Variants in PLOD2 observed in about 807,000 individuals in gnomAD.
PLOD2 encodes lysine hydroxylase 2.
A neutral mutation model predicts 101.0 loss-of-function variants in PLOD2; 65 were observed. The observed-to-expected ratio is 0.64, with a 90% CI of 0.53 to 0.79. PLOD2 has a LOEUF of 0.79. Among genes scored for constraint, PLOD2 ranks in the 30% least tolerant of loss-of-function variants. PLOD2 has a pLI of 0.00. For missense variants in PLOD2, 909 were observed against 914.6 expected, an observed-to-expected ratio of 0.99 and a Z score of 0.08; for synonymous variants, 314 against 302.9, an observed-to-expected ratio of 1.04 and a Z score of -0.38.
chr3:146,075,577 C>T (rs2107999308), intron 15 of PLOD2, among the ~76,000 whole-genome samples: 1 of 150,656 alleles, frequency 6.6e-6, no homozygotes, highest in African/African-American at 2.4e-5. Context: ...AATCAATCAG[C>T]TTTCTCTGCA....
At chr3:146,097,803 A>ATAAT (rs1553733435) in intron 7 of PLOD2, among the ~76,000 whole-genome samples, 1 of 142,088 alleles carries the variant, frequency 7.0e-6, no homozygotes, top group Non-Finnish European at 1.5e-5. Flanking sequence ...AATAAAAAAA[A>ATAAT]AATAATAATA....
chr3:146,156,025 C>A (rs2032290325), intron 1 of PLOD2, among the ~76,000 whole-genome samples: 1 of 152,172 alleles, frequency 6.6e-6, no homozygotes, highest in Admixed American at 6.5e-5. Context: ...TCCTTTCCAA[C>A]TAGCCATCAG....
chr3:146,161,117 G>A lies in PLOD2; in HGVS notation c.-128C>T. The A allele has an allele frequency of 1.0e-5, 5 of 489,778 alleles. No homozygotes were observed. The highest frequency in any genetic ancestry group is 1.7e-5 in the Non-Finnish European group (5 of 298,572). 30.3% of individuals were successfully genotyped at this position (489,778 alleles called of 1,614,324 possible). ...GCGGGCGGGAGCCGGCGGGCAAGGC[G>A]CGCGGCCGGCAGCCGGAGCGGCGCG... On this transcript the variant is annotated 5_prime_UTR_variant, in exon 1 of 20. Coordinates refer to ENST00000282903, the MANE Select transcript of PLOD2 (RefSeq NM_182943.3).
chr3:146,069,827 T>A lies in PLOD2; in HGVS notation c.*890A>T, dbSNP rs1191460539. 6.6e-6 allele frequency: 1 copy of A among 152,198 alleles called. No individual in the cohort carries two copies. The highest frequency in any genetic ancestry group is 2.4e-5 in the African/African-American group (1 of 41,410). The allele number at this position is 152,198 out of a possible 1,614,324, so 9.4% of individuals were successfully genotyped here. Reference sequence around the variant, plus strand: ...AAATTCAAGTACTTAAAAAGTTTTTTAAAAAATAATTAAATGCACTACTCA... The same window carrying A: ...AAATTCAAGTACTTAAAAAGTTTTTAAAAAAATAATTAAATGCACTACTCA... On this transcript the variant is annotated 3_prime_UTR_variant, in exon 20 of 20. Transcript: ENST00000282903.
chr3:146,109,458 C>T (rs944370539), intron 4 of PLOD2, among the ~76,000 whole-genome samples: 2 of 152,168 alleles, frequency 1.3e-5, no homozygotes, highest in African/African-American at 4.8e-5. Flanking sequence ...GCCTAGAACC[C>T]AGATATGCTG....
chr3:146,156,326 T>C (rs1198332673), intron 1 of PLOD2, among the ~76,000 whole-genome samples: 2 of 152,244 alleles, frequency 1.3e-5, no homozygotes, highest in African/African-American at 4.8e-5. Flanking sequence ...AGTTTTTCTG[T>C]ACAGGACCAG....
chr3:146,131,629 G>A (rs965470680), intron 1 of PLOD2, among the ~76,000 whole-genome samples: 5 of 152,124 alleles, frequency 3.3e-5, no homozygotes, highest in African/African-American at 1.2e-4. Context: ...TTTCATGAAG[G>A]AGGAAACCAT....
chr3:146,098,509 A>C (rs1576592236), intron 7 of PLOD2, among the ~76,000 whole-genome samples: 1 of 152,296 alleles, frequency 6.6e-6, no homozygotes, highest in South Asian at 2.1e-4. Flanking sequence ...AGGAAAATAT[A>C]AATGTTCATA....
intron 2 of PLOD2, chr3:146,123,231 TAA>T: frequency 2.4e-6 from 2 of 825,924 alleles, no homozygotes; most frequent in African/African-American, 1.9e-5. Context: ...TCTTCTTTTT[TAA>T]AAAAAAAGTT....
chr3:146,111,676 C>T (rs1308550814), intron 3 of PLOD2, among the ~76,000 whole-genome samples: 1 of 151,088 alleles, frequency 6.6e-6, no homozygotes, highest in African/African-American at 2.4e-5. Flanking sequence ...CTTTAAGTTA[C>T]AATAAAATTT....
intron 1 of PLOD2, among the ~76,000 whole-genome samples, chr3:146,154,565 T>G (rs1455271689): frequency 6.6e-6 from 1 of 152,152 alleles, no homozygotes; most frequent in East Asian, 1.9e-4. Context: ...TGGTTAAAAT[T>G]TAATTACAAA....
chr3:146,131,961 G>A (rs989772294), intron 1 of PLOD2, among the ~76,000 whole-genome samples: 1 of 151,946 alleles, frequency 6.6e-6, no homozygotes, highest in Admixed American at 6.6e-5. Context: ...GATGTGTCAA[G>A]AGACATCCAA....
rs1936082133 is a variant in PLOD2, at chr3:146,070,387, T to A, written c.*330A>T. 1 of 161,038 alleles carries A rather than the reference T, an allele frequency of 6.2e-6. No individual in the cohort carries two copies. Among genetic ancestry groups the A allele is most frequent in the Admixed American group, 6.4e-5 (1 of 15,650 alleles). 10.0% of individuals were successfully genotyped at this position (161,038 alleles called of 1,614,324 possible). On this transcript the variant is annotated 3_prime_UTR_variant, in exon 20 of 20. Coordinates refer to ENST00000282903, the MANE Select transcript of PLOD2 (RefSeq NM_182943.3). ...GCTTTTTTTAAATAAGAAAATATTA[T>A]TAGTCTTGTTATTTGTACCTAAATA...
At chr3:146,117,494 G>A (rs958089108) in intron 3 of PLOD2, among the ~76,000 whole-genome samples, 2 of 152,014 alleles carry the variant, frequency 1.3e-5, no homozygotes, top group African/African-American at 4.8e-5. Context: ...AAAATAAGAA[G>A]GGTAAAAAAA....
chr3:146,103,599 C>T (rs908994053), intron 6 of PLOD2, among the ~76,000 whole-genome samples: 1 of 151,750 alleles, frequency 6.6e-6, no homozygotes, highest in African/African-American at 2.4e-5. Context: ...ACTATAGGCA[C>T]GCACCACCAT....
chr3:146,083,382 T>A (rs1936630710), intron 11 of PLOD2, among the ~76,000 whole-genome samples: 1 of 152,124 alleles, frequency 6.6e-6, no homozygotes, highest in Non-Finnish European at 1.5e-5. Context: ...TACTCTTCAG[T>A]CCAATCTACT....
chr3:146,131,093 T>G (rs906174977), intron 1 of PLOD2, among the ~76,000 whole-genome samples: 8 of 152,220 alleles, frequency 5.3e-5, no homozygotes, highest in Non-Finnish European at 8.8e-5. Context: ...TTATGGGCAC[T>G]GAATCTCTAA....
chr3:146,097,034 G>T (rs866471611), intron 7 of PLOD2, among the ~76,000 whole-genome samples: 2,291 of 144,878 alleles, frequency 0.016, 49 homozygotes, highest in African/African-American at 0.055. Flanking sequence ...CAGCCGCCCC[G>T]TCCGGGAGGT....
chr3:146,092,068 T>C (rs1432073852), intron 7 of PLOD2, among the ~76,000 whole-genome samples, 167 bp from the exon 8 acceptor site: 1 of 151,444 alleles, frequency 6.6e-6, no homozygotes, highest in African/African-American at 2.4e-5. Flanking sequence ...TTCTCCAGAA[T>C]ATGAATTGTA....
Sources: gnomAD v4.1 joint callset for allele counts (sites outside exome capture counted in the v4.1 genomes callset) on GRCh38, gnomAD v4.1.1 for gene constraint, MANE v1.5 for transcripts, NCBI Gene and HGNC (gene_info 2026-07-23, HGNC 2026-07-21) for gene names.